KCNT2: variants seen among roughly 807,000 people sequenced by gnomAD.
The protein encoded by KCNT2 is potassium sodium-activated channel subfamily T member 2.
In KCNT2, 67 loss-of-function variants were observed where a neutral mutation model predicts 153.8. The ratio of observed to expected loss-of-function variants is 0.44; its 90% confidence interval spans 0.36 to 0.53. The LOEUF is 0.53. Among genes scored for constraint, KCNT2 ranks in the 20% least tolerant of loss-of-function variants. The probability of loss-of-function intolerance (pLI) is 0.00; values close to 1 mark genes in which losing one functional copy is unlikely to be tolerated. For synonymous variants in KCNT2, 500 were observed against 458.8 expected, an observed-to-expected ratio of 1.09 and a Z score of -1.15; for missense variants, 975 against 1,354.8, an observed-to-expected ratio of 0.72 and a Z score of 4.40.
intron 1 of KCNT2, among the ~76,000 whole-genome samples, chr1:196,539,465 T>A (rs911647462): frequency 6.6e-6 from 1 of 152,188 alleles, no homozygotes; most frequent in African/African-American, 2.4e-5. Flanking sequence ...TATTACACTT[T>A]ATGCACAATT....
chr1:196,495,297 T>C (rs550279235), intron 1 of KCNT2, among the ~76,000 whole-genome samples: 138 of 152,170 alleles, frequency 9.1e-4, no homozygotes, highest in African/African-American at 3.2e-3. Context: ...TGATAACTCT[T>C]TCTAGCAGCA....
intron 12 of KCNT2, among the ~76,000 whole-genome samples, chr1:196,416,431 T>G (rs894833886): frequency 3.9e-5 from 6 of 152,052 alleles, no homozygotes; most frequent in African/African-American, 1.4e-4. Context: ...ATAGTATATA[T>G]AGGGTTTGGT....
At chr1:196,498,725 G>A (rs1680447603) in intron 1 of KCNT2, among the ~76,000 whole-genome samples, 1 of 152,220 alleles carries the variant, frequency 6.6e-6, no homozygotes, top group African/African-American at 2.4e-5. Context: ...CTAATTCCGT[G>A]TTTGGTGATC....
At chr1:196,368,391 A>G (rs903714094) in intron 14 of KCNT2, among the ~76,000 whole-genome samples, 46 of 152,280 alleles carry the variant, frequency 3.0e-4, no homozygotes, top group Non-Finnish European at 1.3e-4. Flanking sequence ...TGTACATAGA[A>G]AAAGCTTTCC....
At chr1:196,281,232 C>T (rs1173186103) in intron 24 of KCNT2, among the ~76,000 whole-genome samples, 2 of 152,086 alleles carry the variant, frequency 1.3e-5, no homozygotes, top group Admixed American at 6.5e-5. Context: ...ATATTTCATG[C>T]TTATCCATGT....
At chr1:196,310,742 C>T (rs747212825) in intron 21 of KCNT2, among the ~76,000 whole-genome samples, 1 of 151,846 alleles carries the variant, frequency 6.6e-6, no homozygotes, top group Non-Finnish European at 1.5e-5. Flanking sequence ...AGTCTTTTAA[C>T]TGGTCGGCTC....
chr1:196,374,336 C>T (rs1397292989), intron 13 of KCNT2, among the ~76,000 whole-genome samples: 1 of 151,778 alleles, frequency 6.6e-6, no homozygotes, highest in African/African-American at 2.4e-5. Context: ...AGCAAATGCT[C>T]TGGACAAACA....
intron 1 of KCNT2, among the ~76,000 whole-genome samples, chr1:196,552,246 A>C (rs913998160): frequency 6.6e-6 from 1 of 151,528 alleles, no homozygotes; most frequent in African/African-American, 2.4e-5. Flanking sequence ...TTGATACATC[A>C]ATTCTCTTGA....
At chr1:196,247,860 A>C (rs779950151) in intron 26 of KCNT2, among the ~76,000 whole-genome samples, 1 of 152,196 alleles carries the variant, frequency 6.6e-6, no homozygotes, top group Non-Finnish European at 1.5e-5. Context: ...TCTTCTCCTT[A>C]GTATATGGAT....
chr1:196,408,070 T>C (rs559109095), intron 12 of KCNT2, among the ~76,000 whole-genome samples: 3 of 151,636 alleles, frequency 2.0e-5, no homozygotes, highest in African/African-American at 7.2e-5. Context: ...CACTTGCCAA[T>C]GTTTCTCGAG....
intron 13 of KCNT2, among the ~76,000 whole-genome samples, chr1:196,376,642 C>T (rs533553392): frequency 2.0e-5 from 3 of 152,034 alleles, no homozygotes; most frequent in Non-Finnish European, 4.4e-5. Flanking sequence ...TAGCATTCCA[C>T]CTTGTAAGAC....
intron 14 of KCNT2, among the ~76,000 whole-genome samples, chr1:196,356,489 C>T (rs1667187910): frequency 6.6e-6 from 1 of 151,616 alleles, no homozygotes; most frequent in South Asian, 2.1e-4. Flanking sequence ...GCTATTTTCT[C>T]ATTCATAGCT....
Position 196,476,641 on chromosome 1 carries a change from C to G in KCNT2, c.384+2538G>C, listed in dbSNP as rs530332860. Among the ~76,000 whole-genome samples the G allele has an allele frequency of 8.5e-4, 129 of 152,280 alleles. 1 individual carries two copies. The highest frequency in any genetic ancestry group is 3.0e-3 in the African/African-American group (124 of 41,576). On this transcript the variant is annotated intron_variant, in intron 5 of 27. Coordinates refer to ENST00000294725, the MANE Select transcript of KCNT2 (RefSeq NM_198503.5). ...GATCCACGACTTTCCACCTTCTGCA[C>G]TCCCAAAAGACAATGGAGACTTTCC... is the stretch of plus-strand genomic sequence containing the variant.
chr1:196,439,888 G>A (rs1675070418), intron 8 of KCNT2, among the ~76,000 whole-genome samples: 1 of 151,710 alleles, frequency 6.6e-6, no homozygotes, highest in South Asian at 2.1e-4. Flanking sequence ...AAGGCCTGTC[G>A]GTGGGTGTGG....
At chr1:196,257,366 T>G in intron 26 of KCNT2, 1 of 978,860 alleles carries the variant, frequency 1.0e-6, no homozygotes, top group Non-Finnish European at 1.2e-6. Flanking sequence ...GAGATTTCAA[T>G]AATAAACAAG....
At chr1:196,559,461 C>A (rs756499148) in intron 1 of KCNT2, among the ~76,000 whole-genome samples, 21 of 151,578 alleles carry the variant, frequency 1.4e-4, no homozygotes, top group African/African-American at 5.1e-4. Flanking sequence ...ATTTCAGATA[C>A]GTTCTTAGGG....
intron 9 of KCNT2, among the ~76,000 whole-genome samples, chr1:196,428,901 T>G (rs1307933853): frequency 6.6e-6 from 1 of 152,104 alleles, no homozygotes; most frequent in Non-Finnish European, 1.5e-5. Context: ...AGGAAAGAGT[T>G]AGAGATTGCA....
chr1:196,258,582 G>GTTATAT, intron 25 of KCNT2, 88 bp from the exon 26 acceptor site: 1 of 1,011,960 alleles, frequency 9.9e-7, no homozygotes. Flanking sequence ...CTAATATATT[G>GTTATAT]TTATATTTCT....
At chr1:196,494,238 G>C (rs750099221) in intron 1 of KCNT2, among the ~76,000 whole-genome samples, 1 of 152,140 alleles carries the variant, frequency 6.6e-6, no homozygotes, top group Non-Finnish European at 1.5e-5. Context: ...GTTGAAATTT[G>C]TTATGGCTAC....
Sources: gnomAD v4.1 joint callset for allele counts (sites outside exome capture counted in the v4.1 genomes callset) on GRCh38, gnomAD v4.1.1 for gene constraint, MANE v1.5 for transcripts, NCBI Gene and HGNC (gene_info 2026-07-23, HGNC 2026-07-21) for gene names.